Variants in RAB1B observed in about 807,000 individuals in gnomAD.
The protein encoded by RAB1B is RAB1B, member RAS oncogene family.
Under a neutral mutation model 24.8 loss-of-function variants are expected in RAB1B, and 10 were observed. The observed-to-expected ratio is 0.40, with a 90% CI of 0.25 to 0.68. The LOEUF (loss-of-function observed/expected upper bound fraction) is 0.68. RAB1B is among the 30% of genes least tolerant of loss of function. The probability of loss-of-function intolerance (pLI) is 0.37; values close to 1 mark genes in which losing one functional copy is unlikely to be tolerated. For missense variants in RAB1B, 154 were observed against 271.2 expected, an observed-to-expected ratio of 0.57 and a Z score of 3.04; for synonymous variants, 99 against 111.7, an observed-to-expected ratio of 0.89 and a Z score of 0.72.
At chr11:66,272,843 AG>A (rs1316225514) in intron 4 of RAB1B, among the ~76,000 whole-genome samples, 1 of 152,204 alleles carries the variant, frequency 6.6e-6, no homozygotes, top group Non-Finnish European at 1.5e-5. Flanking sequence ...GACACAGTGC[AG>A]GGGGACAATT....
intron 4 of RAB1B, among the ~76,000 whole-genome samples, chr11:66,274,265 A>C (rs1857106822): frequency 6.6e-6 from 1 of 152,096 alleles, no homozygotes; most frequent in Non-Finnish European, 1.5e-5. Flanking sequence ...GTCCCCTCAT[A>C]ATAATAGCAG....
rs1007725286 is a variant in RAB1B at position 66,277,015 on chromosome 11, A to T, written c.*777A>T. 2.0e-5 allele frequency: 3 copies of T among 152,996 alleles called. No individual in the cohort carries two copies. Among genetic ancestry groups the T allele is most frequent in the African/African-American group, 7.2e-5 (3 of 41,558 alleles). The allele number at this position is 152,996 out of a possible 1,614,324, so 9.5% of individuals were successfully genotyped here. A position where few individuals can be genotyped will look rare whatever the true frequency, so the allele number is the denominator to read the frequency against. On this transcript the variant is annotated 3_prime_UTR_variant, in exon 6 of 6. Transcript: ENST00000311481. ...CCCACCGTGCCAGAGGCTGGGCACC[A>T]GCCTTAACCCTCACTCTGCTAGCAC...
intron 1 of RAB1B, 34 bp from the exon 2 acceptor site, chr11:66,271,763 C>T (rs199999462): frequency 1.2e-4 from 181 of 1,538,692 alleles, no homozygotes; most frequent in Non-Finnish European, 1.3e-4. Flanking sequence ...GGGCTCCCTG[C>T]CTCCCTTCAC....
rs1313291581 is a variant in RAB1B at position 66,268,809 on chromosome 11, C to A, written c.14+116C>A. 10 of 1,069,540 alleles carry A rather than the reference C, an allele frequency of 9.3e-6. No individual in the cohort carries two copies. In the Admixed American group the frequency reaches 4.1e-4, roughly 44 times the overall value. 66.3% of individuals were successfully genotyped at this position (1,069,540 alleles called of 1,614,324 possible). ...CTGTGCGGCGCCCCCACATCCGGGT[C>A]CCTCTTCCGCTGACCCCCCCCCACA... On this transcript the variant is annotated intron_variant, in intron 1 of 5. Coordinates refer to ENST00000311481, the MANE Select transcript of RAB1B (RefSeq NM_030981.3).
At chr11:66,274,578 C>T (rs1394724627) in intron 4 of RAB1B, among the ~76,000 whole-genome samples, 2 of 152,282 alleles carry the variant, frequency 1.3e-5, no homozygotes, top group Admixed American at 6.5e-5. Flanking sequence ...CTGGGCTCTG[C>T]CTCCTGTCAG....
intron 1 of RAB1B, among the ~76,000 whole-genome samples, chr11:66,269,150 T>C (rs1180283216): frequency 6.6e-6 from 1 of 152,078 alleles, no homozygotes; most frequent in Non-Finnish European, 1.5e-5. Context: ...GCCCGGCTCC[T>C]GGGGCCGGCC....
intron 3 of RAB1B, 48 bp downstream of exon 3, chr11:66,272,300 G>A (rs771146852): frequency 6.3e-7 from 1 of 1,597,578 alleles, no homozygotes; most frequent in Non-Finnish European, 8.6e-7. Flanking sequence ...TATCCACCTT[G>A]GGAGGGAAGG....
chr11:66,270,561 A>C (rs1378182668), intron 1 of RAB1B: 3 of 152,230 alleles, frequency 2.0e-5, no homozygotes, highest in Admixed American at 6.6e-5. Context: ...CTGGTGAGAG[A>C]GCGAGACTCT....
intron 2 of RAB1B, 55 bp downstream of exon 2, chr11:66,271,924 G>A: frequency 1.4e-6 from 2 of 1,422,136 alleles, no homozygotes; most frequent in Non-Finnish European, 2.0e-6. Context: ...GCAGCTGGGG[G>A]GAGAAGGGAC....
intron 4 of RAB1B, 156 bp downstream of exon 4, chr11:66,272,616 T>C (rs1208536284): frequency 7.3e-6 from 4 of 547,308 alleles, no homozygotes; most frequent in Non-Finnish European, 1.3e-5. Flanking sequence ...AAAAAATAGG[T>C]GACTGTACTT....
intron 3 of RAB1B, 32 bp from the exon 4 acceptor site, chr11:66,272,333 G>A: frequency 6.2e-7 from 1 of 1,609,416 alleles, no homozygotes; most frequent in Non-Finnish European, 8.5e-7. Context: ...CTGGACCTCA[G>A]CTGACCTGCT....
chr11:66,272,211 C>T lies in RAB1B; in HGVS notation c.142C>T (p.Arg48Ter). 6.2e-7 allele frequency: 1 copy of T among 1,613,988 alleles called. No individual in the cohort carries two copies. Among genetic ancestry groups the T allele is most frequent in the Non-Finnish European group, 8.5e-7 (1 of 1,179,882 alleles). ...CACCATCGGGGTGGACTTCAAGATC[C>T]GAACCATCGAGCTGGATGGCAAAAC... is the stretch of plus-strand genomic sequence containing the variant. Reference protein sequence around the residue: ...ISTIGVDFKIRTIELDGKTIK... With the variant: ...ISTIGVDFKI The change falls in exon 3 of 6, where the codon CGA (arginine) becomes TGA (stop). Residue 48 changes from arginine to a stop codon, truncating the protein, a stop_gained. Coordinates refer to ENST00000311481, the MANE Select transcript of RAB1B (RefSeq NM_030981.3). LOFTEE classifies it high-confidence loss of function.
At chr11:66,268,824 C>CCCCT in intron 1 of RAB1B, 131 bp downstream of exon 1, 1 of 933,220 alleles carries the variant, frequency 1.1e-6, no homozygotes, top group East Asian at 3.4e-5. Context: ...TTCCGCTGAC[C>CCCCT]CCCCCCCACA....
rs148276108 is a variant in RAB1B at position 66,276,056 on chromosome 11, T to A, written c.424T>A (p.Ser142Thr). The A allele has an allele frequency of 1.2e-6, 2 of 1,613,278 alleles. No individual in the cohort carries two copies. The highest frequency in any genetic ancestry group is 1.7e-6 in the Non-Finnish European group (2 of 1,179,736). Residue 142 changes from serine to threonine, a missense_variant, in exon 6 of 6, where the codon TCT becomes ACT. Ser to Thr is a moderately conservative substitution (Grantham distance 58). Transcript: ENST00000311481. ...DNTTAKEFAD[S>T]LGIPFLETSA... ...TCTCCCTTGTCAGGAGTTTGCAGAC[T>A]CTCTGGGCATCCCCTTCTTGGAGAC...
At chr11:66,268,964 C>A (rs187704608) in intron 1 of RAB1B, among the ~76,000 whole-genome samples, 2 of 152,064 alleles carry the variant, frequency 1.3e-5, no homozygotes, top group South Asian at 2.1e-4. Context: ...TCCTACCAGG[C>A]CTTATCGGTC....
At chr11:66,273,178 T>G (rs1032214671) in intron 4 of RAB1B, among the ~76,000 whole-genome samples, 2 of 152,172 alleles carry the variant, frequency 1.3e-5, no homozygotes, top group Non-Finnish European at 2.9e-5. Context: ...ACCTGCTTTG[T>G]TTTTTCTACC....
chr11:66,276,507 C>T lies in RAB1B; in HGVS notation c.*269C>T. On this transcript the variant is annotated 3_prime_UTR_variant, in exon 6 of 6. Coordinates refer to ENST00000311481, the MANE Select transcript of RAB1B (RefSeq NM_030981.3). ...CTCTAGGTGACTTTCCAAGATGCCCCCCTACACACCTTTCTTTGGAACGAG... is the reference window on the plus strand; with the variant it reads ...CTCTAGGTGACTTTCCAAGATGCCCTCCTACACACCTTTCTTTGGAACGAG... The T allele has an allele frequency of 4.5e-6, 2 of 449,026 alleles. No homozygotes were observed. The highest frequency in any genetic ancestry group is 3.9e-5 in the South Asian group (1 of 25,958). 27.8% of individuals were successfully genotyped at this position (449,026 alleles called of 1,614,324 possible).
chr11:66,275,991 CCTG>C, intron 5 of RAB1B, 50 bp from the exon 6 acceptor site: 3 of 1,606,110 alleles, frequency 1.9e-6, no homozygotes, highest in Non-Finnish European at 1.7e-6. Context: ...CTGCCCCTCA[CCTG>C]CTCTCCCCTC....
In RAB1B at chr11:66,275,789, C is replaced by CCT. The variant is rs2134867567; in HGVS notation, c.280-14_280-13dup. On this transcript the variant is annotated splice_polypyrimidine_tract_variant and intron_variant, in intron 4 of 5. Transcript: ENST00000311481. ...AGTTGGGAGCAAAATAACTTTGGCCCCTGGCCCCCTTTAGGAATCCTACGC... is the reference window on the plus strand; with the variant it reads ...AGTTGGGAGCAAAATAACTTTGGCCCCTCTGGCCCCCTTTAGGAATCCTACGC... 1 of 1,564,670 alleles carries CCT rather than the reference C, an allele frequency of 6.4e-7. No individual in the cohort carries two copies. The highest frequency in any genetic ancestry group is 2.3e-5 in the East Asian group (1 of 42,730).
Sources: allele counts gnomAD v4.1 joint callset (sites outside exome capture counted in the v4.1 genomes callset), GRCh38; gene constraint gnomAD v4.1.1; transcripts MANE v1.5; gene names NCBI Gene and HGNC (gene_info 2026-07-23, HGNC 2026-07-21).